MYRFL: variants seen among roughly 807,000 people sequenced by gnomAD.
MYRFL encodes the protein myelin regulatory factor-like protein.
MYRFL carries 88 observed loss-of-function variants against 109.4 expected under a neutral mutation model. That is an observed-to-expected ratio of 0.80 (90% confidence interval 0.68 to 0.96). The LOEUF is 0.96. MYRFL is among the 40% of genes least tolerant of loss of function. The probability of loss-of-function intolerance (pLI) is 0.00; values close to 1 mark genes in which losing one functional copy is unlikely to be tolerated. For missense variants in MYRFL, 957 were observed against 954.9 expected, an observed-to-expected ratio of 1.00 and a Z score of -0.03; for synonymous variants, 324 against 320.9, an observed-to-expected ratio of 1.01 and a Z score of -0.10.
chr12:69,833,874 C>G (rs1169563910), intron 1 of MYRFL, among the ~76,000 whole-genome samples: 5 of 127,878 alleles, frequency 3.9e-5, no homozygotes, highest in Non-Finnish European at 8.0e-5. Context: ...TAAAATTATT[C>G]CGGACTGCTA....
At chr12:69,907,640 G>T (rs994233539) in intron 11 of MYRFL, among the ~76,000 whole-genome samples, 1 of 152,178 alleles carries the variant, frequency 6.6e-6, no homozygotes, top group Non-Finnish European at 1.5e-5. Flanking sequence ...GTCAGGGATT[G>T]TCTTGCCATT....
Position 69,861,497 on chromosome 12 carries a change from A to C in MYRFL, c.137+6127A>C, listed in dbSNP as rs200067516. Among the ~76,000 whole-genome samples the C allele has an allele frequency of 7.2e-5, 11 of 152,270 alleles. No individual in the cohort carries two copies. In the East Asian group the frequency reaches 2.1e-3, roughly 29 times the overall value. ...TTTGATTTGCACTTCTCTGATGGCCAGTGATGATGAGCATTTTTTCATGTG... is the reference window on the plus strand; with the variant it reads ...TTTGATTTGCACTTCTCTGATGGCCCGTGATGATGAGCATTTTTTCATGTG... On this transcript the variant is annotated intron_variant, in intron 2 of 24. Transcript: ENST00000552032.
intron 10 of MYRFL, among the ~76,000 whole-genome samples, chr12:69,897,608 G>C (rs1954038732): frequency 6.6e-6 from 1 of 152,176 alleles, no homozygotes; most frequent in African/African-American, 2.4e-5. Context: ...TATGTTCTAG[G>C]CACTGAGCTA....
intron 19 of MYRFL, among the ~76,000 whole-genome samples, chr12:69,941,684 C>T (rs1042998423): frequency 2.1e-5 from 3 of 141,870 alleles, no homozygotes; most frequent in South Asian, 2.3e-4. Context: ...TAACTGAAAT[C>T]AGAGCAGAAC....
intron 15 of MYRFL, among the ~76,000 whole-genome samples, chr12:69,928,490 T>G (rs1955169216): frequency 6.6e-6 from 1 of 152,244 alleles, no homozygotes; most frequent in Admixed American, 6.5e-5. Context: ...GACTTGATGC[T>G]TGTGCCACTG....
chr12:69,882,322 A>T (rs1214494571), intron 5 of MYRFL, among the ~76,000 whole-genome samples: 5 of 152,246 alleles, frequency 3.3e-5, no homozygotes, highest in Non-Finnish European at 7.3e-5. Flanking sequence ...AAAGAAAGAA[A>T]AAAAAGACAC....
rs191276343 is a variant in MYRFL at position 69,859,346 on chromosome 12, G to C, written c.137+3976G>C. On this transcript the variant is annotated intron_variant, in intron 2 of 24. Transcript: ENST00000552032. ...GTTGGATAGTATTCTATAAATATCA[G>C]TTAGGTCAAGTTGGTTGACATTCTT... is the stretch of plus-strand genomic sequence containing the variant. 3.7e-3 allele frequency among the ~76,000 whole-genome samples: 560 copies of C among 152,266 alleles called. 10 individuals are homozygous for C. The highest frequency in any genetic ancestry group is 1.5e-3 in the East Asian group (8 of 5,184).
chr12:69,945,848 G>C (rs1237217821), intron 19 of MYRFL, among the ~76,000 whole-genome samples: 2 of 148,632 alleles, frequency 1.3e-5, no homozygotes, highest in African/African-American at 4.9e-5. Flanking sequence ...TTAGCCGGGC[G>C]TAGTGGCGGG....
intron 10 of MYRFL, among the ~76,000 whole-genome samples, chr12:69,900,499 G>A (rs1954145718): frequency 6.6e-6 from 1 of 152,168 alleles, no homozygotes; most frequent in Non-Finnish European, 1.5e-5. Flanking sequence ...GATTCAGTAG[G>A]TCAGGGATGC....
At chr12:69,896,619 G>A (rs771862505) in intron 9 of MYRFL, among the ~76,000 whole-genome samples, 1 of 152,248 alleles carries the variant, frequency 6.6e-6, no homozygotes, top group African/African-American at 2.4e-5. Context: ...AAGCCCAGAG[G>A]TTGTTGAAGG....
Position 69,872,145 on chromosome 12 carries a change from TTGTC to T in MYRFL, c.138-6879_138-6876del, listed in dbSNP as rs562844392. 1.9e-3 allele frequency among the ~76,000 whole-genome samples: 289 copies of T among 152,324 alleles called. 3 individuals carry two copies. Among genetic ancestry groups the T allele is most frequent in the African/African-American group, 6.8e-3 (284 of 41,578 alleles). ...CTTTTATTATTAGAAATGAGCCTCT[TTGTC>T]TGTGGTGGTACTCTTTATTTTGAAG... is the stretch of plus-strand genomic sequence containing the variant. On this transcript the variant is annotated intron_variant, in intron 2 of 24. Transcript: ENST00000552032.
intron 2 of MYRFL, among the ~76,000 whole-genome samples, chr12:69,875,447 T>C (rs1361111049): frequency 6.6e-6 from 1 of 152,254 alleles, no homozygotes; most frequent in Non-Finnish European, 1.5e-5. Flanking sequence ...CCTTGTCTGC[T>C]AATCCAGTAT....
At chr12:69,825,898 C>T (rs1028964138) in intron 1 of MYRFL, among the ~76,000 whole-genome samples, 1 of 151,944 alleles carries the variant, frequency 6.6e-6, no homozygotes, top group Non-Finnish European at 1.5e-5. Flanking sequence ...CATAGCCATG[C>T]TCAAATTCCA....
intron 1 of MYRFL, 60 bp from the exon 2 acceptor site, chr12:69,855,220 T>A (rs915469656): frequency 3.0e-6 from 2 of 676,912 alleles, no homozygotes; most frequent in African/African-American, 3.6e-5. Flanking sequence ...GTCAGTGTTT[T>A]TAGCCATTGG....
intron 1 of MYRFL, among the ~76,000 whole-genome samples, chr12:69,833,174 C>A (rs1882737319): frequency 6.6e-6 from 1 of 151,654 alleles, no homozygotes; most frequent in African/African-American, 2.4e-5. Context: ...AGTGAGATCA[C>A]CAAGAAGAGT....
chr12:69,891,989 T>C (rs910536374), intron 7 of MYRFL, among the ~76,000 whole-genome samples: 1 of 152,138 alleles, frequency 6.6e-6, no homozygotes, highest in South Asian at 2.1e-4. Flanking sequence ...GATGTCGATT[T>C]CGTAAGCCTG....
intron 21 of MYRFL, among the ~76,000 whole-genome samples, chr12:69,953,764 G>GACACACAC (rs143170206): frequency 0.032 from 4,619 of 144,216 alleles, 130 homozygotes; most frequent in African/African-American, 0.078. Context: ...GTGCAACCCG[G>GACACACAC]ACACACACAC....
chr12:69,902,830 T>C (rs530725923), intron 10 of MYRFL, among the ~76,000 whole-genome samples: 1 of 152,348 alleles, frequency 6.6e-6, no homozygotes, highest in South Asian at 2.1e-4. Flanking sequence ...CTCCAGAACT[T>C]TGTCTAGTCC....
chr12:69,864,849 T>C (rs1884921290), intron 2 of MYRFL, among the ~76,000 whole-genome samples: 1 of 152,196 alleles, frequency 6.6e-6, no homozygotes, highest in African/African-American at 2.4e-5. Context: ...ACAATGGATA[T>C]ATCCTTTTCT....
Sources: allele counts gnomAD v4.1 joint callset (sites outside exome capture counted in the v4.1 genomes callset), GRCh38; gene constraint gnomAD v4.1.1; transcripts MANE v1.5; gene names NCBI Gene and HGNC (gene_info 2026-07-23, HGNC 2026-07-21).